MICOS10: variants seen among roughly 807,000 people sequenced by gnomAD.
The protein encoded by MICOS10 is mitochondrial contact site and cristae organizing system subunit 10, also known as MICOS complex subunit MIC10.
In MICOS10, 5 loss-of-function variants were observed where a neutral mutation model predicts 13.4. The ratio of observed to expected loss-of-function variants is 0.37; its 90% CI spans 0.20 to 0.78. The LOEUF is 0.78. Among genes scored for constraint, MICOS10 ranks in the 30% least tolerant of loss-of-function variants. The pLI is 0.47. For missense variants in MICOS10, 101 were observed against 94.6 expected (o/e 1.07, Z -0.28); for synonymous variants, 35 against 33.6 (o/e 1.04, Z -0.15).
intron 1 of MICOS10, among the ~76,000 whole-genome samples, chr1:19,602,020 A>G (rs1472449819): frequency 6.6e-6 from 1 of 152,156 alleles, no homozygotes; most frequent in Admixed American, 6.5e-5. Flanking sequence ...AGAAGTTCCT[A>G]GGTATTCTAT....
rs2064293 is a variant in MICOS10, at chr1:19,596,991, G to C, written c.-55G>C. The C allele has an allele frequency of 1.3e-6, 2 of 1,540,362 alleles. No homozygotes were observed. The highest frequency in any genetic ancestry group is 2.9e-5 in the African/African-American group (2 of 69,518). The stretch of plus-strand genomic sequence containing the variant: ...GTTTCCAGCTCTCGCGAGACTTTCA[G>C]GGGTCGGAGCGCGGGGGCCGGCCGA... On this transcript the variant is annotated 5_prime_UTR_variant, in exon 1 of 4. Transcript: ENST00000322753.
In MICOS10 at chr1:19,624,940, A is replaced by C. The variant is rs1407827452; in HGVS notation, c.222+1357A>C. Among the ~76,000 whole-genome samples the C allele has an allele frequency of 2.6e-5, 4 of 152,354 alleles. No homozygotes were observed. The East Asian group carries it at 7.7e-4, about 29-fold the overall frequency. ...CAGTGAACAACTTCACATTCCCTGC[A>C]TGCACAGAAGCCTCAGCTTTCCAGG... On this transcript the variant is annotated intron_variant, in intron 3 of 3. Coordinates refer to ENST00000322753, the MANE Select transcript of MICOS10 (RefSeq NM_001032363.4).
chr1:19,597,442 TC>T (rs2094796707), intron 1 of MICOS10, among the ~76,000 whole-genome samples: 3 of 152,154 alleles, frequency 2.0e-5, no homozygotes, highest in Admixed American at 2.0e-4. Flanking sequence ...GGGGTTCTCC[TC>T]CCGGGTGGTG....
intron 2 of MICOS10, 127 bp downstream of exon 2, chr1:19,622,274 G>A (rs193286504): frequency 6.0e-4 from 370 of 611,806 alleles, no homozygotes; most frequent in African/African-American, 5.5e-3. Context: ...TATGGGGTTA[G>A]GTAGCCCATT....
At chr1:19,608,800 G>A (rs1479153228) in intron 1 of MICOS10, among the ~76,000 whole-genome samples, 1 of 151,872 alleles carries the variant, frequency 6.6e-6, no homozygotes, top group Non-Finnish European at 1.5e-5. Context: ...CCGCAGAATG[G>A]GAGGAAATAT....
intron 1 of MICOS10, among the ~76,000 whole-genome samples, chr1:19,598,490 C>CCT (rs973288005): frequency 1.2e-4 from 19 of 152,112 alleles, no homozygotes; most frequent in African/African-American, 2.9e-4. Flanking sequence ...TAAGAAAGGG[C>CCT]TTTGAGCTGG....
intron 1 of MICOS10, among the ~76,000 whole-genome samples, chr1:19,620,486 C>T (rs1737426): frequency 0.89 from 136,122 of 152,300 alleles, 61,088 homozygotes; most frequent in African/African-American, 0.98. Flanking sequence ...AAGAGAATAG[C>T]CTTATTACTT....
Position 19,602,603 on chromosome 1 carries a change from G to A in MICOS10, c.64+5494G>A, listed in dbSNP as rs1173868139. On this transcript the variant is annotated intron_variant, in intron 1 of 3. Coordinates refer to ENST00000322753, the MANE Select transcript of MICOS10 (RefSeq NM_001032363.4). ...TGAAGAATATTACATTTTATGAATGGCATGTTCCGTTAGTTTTATGTGAAT... is the reference window on the plus strand; with the variant it reads ...TGAAGAATATTACATTTTATGAATGACATGTTCCGTTAGTTTTATGTGAAT... Among the ~76,000 whole-genome samples the A allele has an allele frequency of 2.0e-5, 3 of 152,168 alleles. No individual in the cohort carries two copies. The East Asian group carries it at 5.8e-4, about 29-fold the overall frequency.
chr1:19,596,999 A>G lies in MICOS10; in HGVS notation c.-47A>G, dbSNP rs2094793718. The G allele has an allele frequency of 1.3e-6, 2 of 1,554,842 alleles. No individual in the cohort carries two copies. Among genetic ancestry groups the G allele is most frequent in the East Asian group, 2.6e-5 (1 of 38,698 alleles). On this transcript the variant is annotated 5_prime_UTR_variant, in exon 1 of 4. Coordinates refer to ENST00000322753, the MANE Select transcript of MICOS10 (RefSeq NM_001032363.4). The stretch of plus-strand genomic sequence containing the variant: ...CTCTCGCGAGACTTTCAGGGGTCGG[A>G]GCGCGGGGGCCGGCCGAGAGGAAAG...
chr1:19,623,863 TAG>T (rs1305864969), intron 3 of MICOS10: 5 of 256,098 alleles, frequency 2.0e-5, no homozygotes, highest in Non-Finnish European at 2.9e-5. Flanking sequence ...AATGGTAAGG[TAG>T]ATTGTGTTAA....
Position 19,603,548 on chromosome 1 carries a change from C to G in MICOS10, c.64+6439C>G, listed in dbSNP as rs538681307. On this transcript the variant is annotated intron_variant, in intron 1 of 3. Transcript: ENST00000322753. ...GATTCTGGCACTTCCTGGATTCATA[C>G]GGAGGTCCTGGGAATCCCTAGTGTG... Among the ~76,000 whole-genome samples, 5 of 152,292 alleles carry G rather than the reference C, an allele frequency of 3.3e-5. No individual in the cohort carries two copies. In the South Asian group the frequency reaches 1.0e-3, roughly 32 times the overall value.
At chr1:19,613,349 C>A (rs1312219373) in intron 1 of MICOS10, among the ~76,000 whole-genome samples, 1 of 152,210 alleles carries the variant, frequency 6.6e-6, no homozygotes, top group African/African-American at 2.4e-5. Flanking sequence ...CTGTTGCTTC[C>A]TTATTGCTTA....
intron 1 of MICOS10, among the ~76,000 whole-genome samples, chr1:19,618,064 C>T (rs961387855): frequency 2.0e-5 from 3 of 151,248 alleles, no homozygotes; most frequent in African/African-American, 7.3e-5. Flanking sequence ...TGTGATCCTA[C>T]GTAGCCAGTG....
chr1:19,619,095 T>A (rs1250378805), intron 1 of MICOS10, among the ~76,000 whole-genome samples: 1 of 152,212 alleles, frequency 6.6e-6, no homozygotes, highest in Admixed American at 6.5e-5. Context: ...TCCCCTATGA[T>A]CTATTATAGA....
chr1:19,628,830 T>C lies in MICOS10; in HGVS notation c.*2429T>C, dbSNP rs2094930090. On this transcript the variant is annotated 3_prime_UTR_variant, in exon 4 of 4. Transcript: ENST00000322753. ...AAATTCCCTAGACACATTAGAAAAA[T>C]AGGGAGTGGAGAGGGGCATTGGAAT... The C allele has an allele frequency of 6.7e-6, 1 of 149,090 alleles. No individual in the cohort carries two copies. Among genetic ancestry groups the C allele is most frequent in the Non-Finnish European group, 1.5e-5 (1 of 67,524 alleles). 9.2% of individuals were successfully genotyped at this position (149,090 alleles called of 1,614,324 possible). A position where few individuals can be genotyped will look rare whatever the true frequency, so the allele number is the denominator to read the frequency against.
At chr1:19,603,927 A>G (rs1193191885) in intron 1 of MICOS10, among the ~76,000 whole-genome samples, 1 of 152,186 alleles carries the variant, frequency 6.6e-6, no homozygotes, top group Non-Finnish European at 1.5e-5. Flanking sequence ...AGGTGTGTCA[A>G]GCACAACAGT....
intron 1 of MICOS10, among the ~76,000 whole-genome samples, chr1:19,605,770 T>C (rs2094832210): frequency 1.3e-5 from 2 of 152,174 alleles, no homozygotes; most frequent in African/African-American, 4.8e-5. Context: ...CCCAGGCTGG[T>C]CTCAAATTCC....
chr1:19,607,612 T>A (rs2094840247), intron 1 of MICOS10, among the ~76,000 whole-genome samples: 1 of 152,190 alleles, frequency 6.6e-6, no homozygotes, highest in Admixed American at 6.5e-5. Context: ...GCCATCATAT[T>A]TGGTACACTA....
At chr1:19,623,785 G>A in intron 3 of MICOS10, 1 of 513,496 alleles carries the variant, frequency 1.9e-6, no homozygotes, top group Non-Finnish European at 3.5e-6. Flanking sequence ...AGATGCGTAT[G>A]TACGTTCAGA....
Sources: allele counts gnomAD v4.1 joint callset (sites outside exome capture counted in the v4.1 genomes callset), GRCh38; gene constraint gnomAD v4.1.1; transcripts MANE v1.5; gene names NCBI Gene and HGNC (gene_info 2026-07-23, HGNC 2026-07-21).